Variants in HR observed in about 807,000 individuals in gnomAD.
HR encodes the protein HR lysine demethylase and nuclear receptor corepressor.
In HR, 83 loss-of-function variants were observed where a neutral mutation model predicts 128.6. The observed-to-expected ratio is 0.65, with a 90% CI of 0.54 to 0.77. The LOEUF is 0.77. Ranked by LOEUF, HR falls within the 30% of genes least tolerant of loss-of-function variation. The probability of loss-of-function intolerance (pLI) is 0.00; values close to 1 mark genes in which losing one functional copy is unlikely to be tolerated. For missense variants in HR, 1,490 were observed against 1,574.6 expected (o/e 0.95, Z 0.91); for synonymous variants, 681 against 658.2 (o/e 1.03, Z -0.53).
At chr8:22,122,467 A>T in intron 8 of HR, 26 bp downstream of exon 8, 2 of 1,545,638 alleles carry the variant, frequency 1.3e-6, no homozygotes, top group Non-Finnish European at 1.8e-6. Flanking sequence ...CACGATACCC[A>T]ACCGGTGACA....
chr8:22,116,151 CA>C lies in HR; in HGVS notation c.3507+148del. The C allele has an allele frequency of 8.9e-7, 1 of 1,127,256 alleles. No individual in the cohort carries two copies. The highest frequency in any genetic ancestry group is 1.3e-6 in the Non-Finnish European group (1 of 780,080). The allele number at this position is 1,127,256 out of a possible 1,614,324, so 69.8% of individuals were successfully genotyped here. Reference sequence around the variant, plus strand: ...CTCCATCTCAAAAAACAAAATGAAACAAACTAAACAAAAGGAATACTCTGCC... The same window carrying C: ...CTCCATCTCAAAAAACAAAATGAAACAACTAAACAAAAGGAATACTCTGCC... On this transcript the variant is annotated intron_variant, in intron 18 of 18. Transcript: ENST00000381418. The surrounding 1 kb of genome is among the most constrained non-coding windows in gnomAD (Gnocchi z 4.2).
chr8:22,122,776 C>A lies in HR; in HGVS notation c.2005+14G>T. On this transcript the variant is annotated intron_variant, in intron 7 of 18. Coordinates refer to ENST00000381418, the MANE Select transcript of HR (RefSeq NM_005144.5). ...CCCAACCTCTGCACGCCCCACCCCT[C>A]CAAGATGGCTCACCCTGGCTGGAGA... is the stretch of plus-strand genomic sequence containing the variant. 1 of 1,550,740 alleles carries A rather than the reference C, an allele frequency of 6.4e-7. No homozygotes were observed. Among genetic ancestry groups the A allele is most frequent in the Non-Finnish European group, 8.7e-7 (1 of 1,147,224 alleles).
chr8:22,122,469 C>T (rs1826778045), intron 8 of HR, 24 bp downstream of exon 8: 1 of 1,553,652 alleles, frequency 6.4e-7, no homozygotes, highest in Non-Finnish European at 8.8e-7. Context: ...CGATACCCAA[C>T]CGGTGACATG....
chr8:22,124,933 C>A (rs1180420313), intron 5 of HR, among the ~76,000 whole-genome samples: 1 of 152,128 alleles, frequency 6.6e-6, no homozygotes, highest in African/African-American at 2.4e-5. Flanking sequence ...TGACCAGCAG[C>A]CTTTGGTCAT....
Position 22,116,784 on chromosome 8 carries a change from G to T in HR, c.3378+91C>A. ...GCTCCCTGCCCTGCCCGGCTCTTGG[G>T]TATTGAGGGGATGTTGGATGCCTGC... On this transcript the variant is annotated intron_variant, in intron 17 of 18. Transcript: ENST00000381418. The surrounding 1 kb of genome is among the most constrained non-coding windows in gnomAD (Gnocchi z 4.2). 2.0e-6 allele frequency: 3 copies of T among 1,478,896 alleles called. No homozygotes were observed. Among genetic ancestry groups the T allele is most frequent in the Admixed American group, 3.9e-5 (2 of 50,954 alleles). The allele number at this position is 1,478,896 out of a possible 1,614,324, so 91.6% of individuals were successfully genotyped here. A position where few individuals can be genotyped will look rare whatever the true frequency, so the allele number is the denominator to read the frequency against.
rs1826564267 is a variant in HR, at chr8:22,115,558, GC to G, written c.*141del. ...GGCTTAAGGGGGAGGGGAACAGAGT[GC>G]CCTGCTTGTGCCCAGAGTGGTGCTT... On this transcript the variant is annotated 3_prime_UTR_variant, in exon 19 of 19. Coordinates refer to ENST00000381418, the MANE Select transcript of HR (RefSeq NM_005144.5). 4.1e-6 allele frequency: 3 copies of G among 738,140 alleles called. No individual in the cohort carries two copies. In the Admixed American group the frequency reaches 6.0e-5, roughly 15 times the overall value. The allele number at this position is 738,140 out of a possible 1,614,324, so 45.7% of individuals were successfully genotyped here.
Position 22,127,086 on chromosome 8 carries a change from T to A in HR, c.1356A>T (p.Thr452=), listed in dbSNP as rs762346786. ...AGTCCACATCCTTGTTCCCTATCGATGTGTCCCGCACCTCCTGCCAACCCC... is the reference window on the plus strand; with the variant it reads ...AGTCCACATCCTTGTTCCCTATCGAAGTGTCCCGCACCTCCTGCCAACCCC... The part of the protein sequence containing the change: ...GAGGWQEVRD[T]SIGNKDVDSG... The change falls in exon 3 of 19, where the codon ACA becomes ACT. Residue 452 remains threonine, a synonymous_variant. Coordinates refer to ENST00000381418, the MANE Select transcript of HR (RefSeq NM_005144.5). 1 of 1,611,904 alleles carries A rather than the reference T, an allele frequency of 6.2e-7. No homozygotes were observed. The highest frequency in any genetic ancestry group is 8.5e-7 in the Non-Finnish European group (1 of 1,179,514).
Position 22,121,055 on chromosome 8 carries a change from C to A in HR, c.2367+10G>T. ...CTGGCTCCTAGCCCTCCCTCCGTGC[C>A]CTCACTCACACTGGGCAGGGCCGGA... On this transcript the variant is annotated intron_variant, in intron 10 of 18. Coordinates refer to ENST00000381418, the MANE Select transcript of HR (RefSeq NM_005144.5). 1 of 1,613,502 alleles carries A rather than the reference C, an allele frequency of 6.2e-7. No individual in the cohort carries two copies. Among genetic ancestry groups the A allele is most frequent in the Non-Finnish European group, 8.5e-7 (1 of 1,179,978 alleles).
In HR at chr8:22,120,709, G is replaced by A; in HGVS notation, c.2610+7C>T. The A allele has an allele frequency of 6.7e-7, 1 of 1,499,374 alleles. No homozygotes were observed. Among genetic ancestry groups the A allele is most frequent in the Non-Finnish European group, 8.9e-7 (1 of 1,126,538 alleles). The allele number at this position is 1,499,374 out of a possible 1,614,324, so 92.9% of individuals were successfully genotyped here. A position where few individuals can be genotyped will look rare whatever the true frequency, so the allele number is the denominator to read the frequency against. ...AGGGCCGGGAGGGGAGGGGAGGGGT[G>A]CCTCACCTGGCCCTGCCTCCAGTGC... On this transcript the variant is annotated splice_region_variant and intron_variant, in intron 11 of 18. Coordinates refer to ENST00000381418, the MANE Select transcript of HR (RefSeq NM_005144.5).
chr8:22,122,618 G>A lies in HR; in HGVS notation c.2006-10C>T. 1 of 1,599,368 alleles carries A rather than the reference G, an allele frequency of 6.3e-7. No individual in the cohort carries two copies. The highest frequency in any genetic ancestry group is 8.5e-7 in the Non-Finnish European group (1 of 1,170,806). The stretch of plus-strand genomic sequence containing the variant: ...CTCAGCTCTGCCAAAGCTGGGGGTG[G>A]GGGTGGGCAGGAGAGGGAGGTTGGT... On this transcript the variant is annotated splice_polypyrimidine_tract_variant and intron_variant, in intron 7 of 18. Coordinates refer to ENST00000381418, the MANE Select transcript of HR (RefSeq NM_005144.5).
Position 22,116,340 on chromosome 8 carries a change from C to A in HR, c.3467G>T (p.Gly1156Val). ...SALSAQLCHQ[G>V]PSLPPDCHLL... Reference sequence around the variant, plus strand: ...GTGGCAGTCAGGGGGAAGGCTGGGTCCCTGGTGGCAGAGCTGAGCAGAGAG... The same window carrying A: ...GTGGCAGTCAGGGGGAAGGCTGGGTACCTGGTGGCAGAGCTGAGCAGAGAG... The change falls in exon 18 of 19, where the codon GGA becomes GTA. Residue 1156 changes from glycine (G) to valine (V), a missense_variant. Around this residue, in one of 3 missense-constraint regions of HR, gnomAD observed 423 missense variants for 495.9 expected, o/e 0.85. Coordinates refer to ENST00000381418, the MANE Select transcript of HR (RefSeq NM_005144.5). The surrounding 1 kb of genome is among the most constrained non-coding windows in gnomAD (Gnocchi z 4.2). 3 of 1,612,866 alleles carry A rather than the reference C, an allele frequency of 1.9e-6. No individual in the cohort carries two copies. Among genetic ancestry groups the A allele is most frequent in the Non-Finnish European group, 1.7e-6 (2 of 1,179,910 alleles).
chr8:22,116,229 C>T lies in HR; in HGVS notation c.3507+71G>A, dbSNP rs1435243385. 6.2e-7 allele frequency: 1 copy of T among 1,607,130 alleles called. No individual in the cohort carries two copies. Among genetic ancestry groups the T allele is most frequent in the Non-Finnish European group, 8.5e-7 (1 of 1,176,560 alleles). On this transcript the variant is annotated intron_variant, in intron 18 of 18. Transcript: ENST00000381418. This position sits in a 1 kb window ranked among gnomAD's most constrained non-coding sequence, Gnocchi z 4.2. ...CACAGGGTGGGATCTGCTATGTCCA[C>T]TGCAGCTGTGGCACAGGGAGGTGGG... is the stretch of plus-strand genomic sequence containing the variant.
chr8:22,118,816 C>G (rs762847051), intron 16 of HR, 134 bp downstream of exon 16: 2 of 721,852 alleles, frequency 2.8e-6, no homozygotes, highest in Admixed American at 4.5e-5. Context: ...CCTGTCTGTG[C>G]GAGTTGGGTC....
At chr8:22,122,956 A>C in intron 6 of HR, 77 bp from the exon 7 acceptor site, 1 of 1,368,770 alleles carries the variant, frequency 7.3e-7, no homozygotes. Flanking sequence ...AGGTCAGGAC[A>C]TGATACCTAA....
At position 22,119,611 on chromosome 8, in the gene HR, A is replaced by G. The variant is rs73549506; in HGVS notation, c.2977+149T>C. ...AACAAGAGCAAAACTCCGTCTCAACAACAACAAAAAAAAAAAAAAAGAAAG... is the reference window on the plus strand; with the variant it reads ...AACAAGAGCAAAACTCCGTCTCAACGACAACAAAAAAAAAAAAAAAGAAAG... On this transcript the variant is annotated intron_variant, in intron 14 of 18. Transcript: ENST00000381418. The G allele has an allele frequency of 0.021, 25,015 of 1,167,758 alleles. 3,631 individuals are homozygous for G. In the African/African-American group the frequency reaches 0.32, roughly 15 times the overall value. 72.3% of individuals were successfully genotyped at this position (1,167,758 alleles called of 1,614,324 possible). A position where few individuals can be genotyped will look rare whatever the true frequency, so the allele number is the denominator to read the frequency against.
At chr8:22,123,007 G>A in intron 6 of HR, 128 bp from the exon 7 acceptor site, 1 of 842,434 alleles carries the variant, frequency 1.2e-6, no homozygotes, top group African/African-American at 1.7e-5. Context: ...TGCTTTCTGG[G>A]AAACCTGGGT....
rs1211077714 is a variant in HR, at chr8:22,121,677, T to C, written c.2139A>G (p.Lys713=). The part of the protein sequence containing the change: ...DAGQQKESTQ[K]TPPTPQPSCN... ...AGGAAGGTTGTGGAGTTGGGGGCGT[T>C]TTCTGTGTTGATTCCTTCTGTTAAA... Residue 713 remains lysine, a synonymous_variant, in exon 9 of 19, where the codon AAA becomes AAG. Transcript: ENST00000381418. 6.2e-7 allele frequency: 1 copy of C among 1,613,990 alleles called. No individual in the cohort carries two copies. Among genetic ancestry groups the C allele is most frequent in the African/African-American group, 1.3e-5 (1 of 74,904 alleles).
chr8:22,127,328 G>T lies in HR; in HGVS notation c.1114C>A (p.Pro372Thr). ...TTCAGCTTGGTGTGGTGGCTGGGGG[G>T]ACAGGCCCTGGGGCCAGAGGCCTTG... ...VNKASGPRAC[P>T]PSHHTKLKKT... The change falls in exon 3 of 19, where the codon CCC (proline) becomes ACC (threonine). Residue 372 changes from proline to threonine, a missense_variant. By Grantham distance (38) the Pro-to-Thr change is conservative. Transcript: ENST00000381418. The T allele has an allele frequency of 1.2e-6, 2 of 1,613,362 alleles. No individual in the cohort carries two copies. Among genetic ancestry groups the T allele is most frequent in the Non-Finnish European group, 1.7e-6 (2 of 1,180,022 alleles).
rs887438498 is a variant in HR, at chr8:22,129,311, T to A, written c.-40-101A>T. 1.8e-5 allele frequency: 18 copies of A among 1,011,694 alleles called. No individual in the cohort carries two copies. In the Admixed American group the frequency reaches 3.4e-4, roughly 19 times the overall value. The allele number at this position is 1,011,694 out of a possible 1,614,324, so 62.7% of individuals were successfully genotyped here. A position where few individuals can be genotyped will look rare whatever the true frequency, so the allele number is the denominator to read the frequency against. ...ACCGCCCTGGCAACACTGAGGCAGC[T>A]CAAACCAGTAAGGCAAGTGCCAGCC... On this transcript the variant is annotated intron_variant, in intron 1 of 18. Transcript: ENST00000381418.
Sources: allele counts gnomAD v4.1 joint callset (sites outside exome capture counted in the v4.1 genomes callset), GRCh38; gene constraint gnomAD v4.1.1; regional missense constraint gnomAD v4.1.1; non-coding constraint Gnocchi (gnomAD v3.1); transcripts MANE v1.5; gene names NCBI Gene and HGNC (gene_info 2026-07-23, HGNC 2026-07-21).